CDH13: variants seen among roughly 807,000 people sequenced by gnomAD.
CDH13 encodes cadherin 13.
Under a neutral mutation model 63.8 loss-of-function variants are expected in CDH13, and 24 were observed. That is an observed-to-expected ratio of 0.38 (90% CI 0.27 to 0.53). The LOEUF is 0.53. Ranked by LOEUF, CDH13 falls within the 20% of genes least tolerant of loss-of-function variation. CDH13 has a pLI of 0.85. For synonymous variants in CDH13, 503 were observed against 355.3 expected (o/e 1.42, Z -4.67); for missense variants, 1,049 against 903.1 (o/e 1.16, Z -2.07).
chr16:83,779,820 T>C (rs1915394272), intron 11 of CDH13, 148 bp from the exon 12 acceptor site: 2 of 595,390 alleles, frequency 3.4e-6, no homozygotes, highest in Admixed American at 3.0e-5. Context: ...ATCGCACCAC[T>C]GCATTCCAGT....
intron 10 of CDH13, among the ~76,000 whole-genome samples, chr16:83,705,410 C>A (rs1906874116): frequency 1.3e-5 from 2 of 152,078 alleles, no homozygotes; most frequent in South Asian, 4.1e-4. Context: ...ATCACGAGGT[C>A]AGGAGATGGA....
At position 83,001,124 on chromosome 16, in the gene CDH13, G is replaced by C. The variant is rs567960433; in HGVS notation, c.158-30886G>C. On this transcript the variant is annotated intron_variant, in intron 2 of 13. Transcript: ENST00000567109. Reference sequence around the variant, plus strand: ...GTGAGAATGTTGTCAAGATCTTCTAGTAGATCGTAAGTCCCTTGAAGAAAA... The same window carrying C: ...GTGAGAATGTTGTCAAGATCTTCTACTAGATCGTAAGTCCCTTGAAGAAAA... Among the ~76,000 whole-genome samples, 12 of 152,320 alleles carry C rather than the reference G, an allele frequency of 7.9e-5. No homozygotes were observed. The South Asian group carries it at 2.5e-3, about 32-fold the overall frequency.
At chr16:83,063,870 C>T (rs907158069) in intron 3 of CDH13, among the ~76,000 whole-genome samples, 1 of 152,036 alleles carries the variant, frequency 6.6e-6, no homozygotes, top group African/African-American at 2.4e-5. Flanking sequence ...ACTTCAAAGG[C>T]AATTGTGTAA....
intron 1 of CDH13, among the ~76,000 whole-genome samples, chr16:82,763,618 A>T (rs1234238463): frequency 2.6e-5 from 4 of 152,258 alleles, no homozygotes; most frequent in Admixed American, 1.3e-4. Context: ...AACAGTGAAT[A>T]CATGAGTTGA....
At chr16:82,832,886 A>G (rs1567581129) in intron 1 of CDH13, among the ~76,000 whole-genome samples, 1 of 152,240 alleles carries the variant, frequency 6.6e-6, no homozygotes, top group Non-Finnish European at 1.5e-5. Flanking sequence ...TTCAGATGAC[A>G]GCTTCCATTA....
At chr16:82,664,066 A>T (rs1567603351) in intron 1 of CDH13, among the ~76,000 whole-genome samples, 1 of 152,316 alleles carries the variant, frequency 6.6e-6, no homozygotes, top group East Asian at 1.9e-4. Context: ...CGGAAATATT[A>T]CTTACTCGTC....
At chr16:83,635,028 C>T (rs1473234726) in intron 8 of CDH13, among the ~76,000 whole-genome samples, 3 of 152,140 alleles carry the variant, frequency 2.0e-5, no homozygotes, top group African/African-American at 7.2e-5. Flanking sequence ...CATTTTCATC[C>T]TTATCAGCAA....
chr16:83,375,416 T>G (rs1310338723), intron 6 of CDH13, among the ~76,000 whole-genome samples: 1 of 152,200 alleles, frequency 6.6e-6, no homozygotes, highest in African/African-American at 2.4e-5. Flanking sequence ...TGGAATCAAA[T>G]ATTTGTAGAT....
Position 82,752,859 on chromosome 16 carries a change from GGGATGTGCAGCC to G in CDH13, c.46-105501_46-105490del, listed in dbSNP as rs1323451513. On this transcript the variant is annotated intron_variant, in intron 1 of 13. Transcript: ENST00000567109. ...GTATCATAGAATGTGGCACTGGGGA[GGGATGTGCAGCC>G]GCACCCCATTATTGTACCCCATTAT... Among the ~76,000 whole-genome samples the G allele has an allele frequency of 3.3e-5, 5 of 152,340 alleles. No individual in the cohort carries two copies. In the East Asian group the frequency reaches 9.6e-4, roughly 29 times the overall value.
chr16:82,881,898 C>A (rs2040716286), intron 2 of CDH13, among the ~76,000 whole-genome samples: 1 of 152,238 alleles, frequency 6.6e-6, no homozygotes, highest in African/African-American at 2.4e-5. Flanking sequence ...CACCCTGGAC[C>A]CACCACCAGC....
At chr16:83,488,757 T>C (rs548510538) in intron 7 of CDH13, among the ~76,000 whole-genome samples, 2 of 152,294 alleles carry the variant, frequency 1.3e-5, no homozygotes, top group East Asian at 1.9e-4. Context: ...CCTGAGTAGC[T>C]GGGAATACAG....
intron 1 of CDH13, among the ~76,000 whole-genome samples, chr16:82,798,208 C>T (rs2036681759): frequency 6.6e-6 from 1 of 152,194 alleles, no homozygotes; most frequent in Non-Finnish European, 1.5e-5. Flanking sequence ...AAAATGACCG[C>T]TTGCAGTGGA....
chr16:82,927,043 T>C (rs974866791), intron 2 of CDH13, among the ~76,000 whole-genome samples: 3 of 151,920 alleles, frequency 2.0e-5, no homozygotes, highest in African/African-American at 7.3e-5. Context: ...TAGCTGGAGG[T>C]TGGGCTCCTT....
At chr16:83,622,339 T>G (rs1909890677) in intron 8 of CDH13, among the ~76,000 whole-genome samples, 2 of 151,194 alleles carry the variant, frequency 1.3e-5, no homozygotes, top group Admixed American at 6.6e-5. Flanking sequence ...TCCCCTGAGC[T>G]TCTACACACT....
At chr16:83,014,746 A>ATATATATATATATATATATATATATATG (rs1914531102) in intron 2 of CDH13, among the ~76,000 whole-genome samples, 1 of 32,876 alleles carries the variant, frequency 3.0e-5, no homozygotes, top group African/African-American at 1.1e-4. Context: ...AAAAAAAAAT[A>ATATATATATATATATATATATATATATG]TATATATATA....
At chr16:83,176,512 GAA>G (rs869250059) in intron 4 of CDH13, among the ~76,000 whole-genome samples, 13,776 of 71,290 alleles carry the variant, frequency 0.19, 680 homozygotes, top group African/African-American at 0.3. Flanking sequence ...TCCAGCTAGA[GAA>G]AAAAAAAAAA....
chr16:83,695,806 C>T (rs1383446578), intron 10 of CDH13, among the ~76,000 whole-genome samples: 1 of 152,082 alleles, frequency 6.6e-6, no homozygotes, highest in Non-Finnish European at 1.5e-5. Flanking sequence ...GTGTGATCAT[C>T]CCTGTTCTAT....
intron 2 of CDH13, among the ~76,000 whole-genome samples, chr16:83,017,533 C>G (rs571169309): frequency 6.6e-6 from 1 of 152,280 alleles, no homozygotes; most frequent in Admixed American, 6.5e-5. Context: ...AATGTTCTTA[C>G]TCTCTGAGCT....
intron 1 of CDH13, among the ~76,000 whole-genome samples, chr16:82,724,852 C>G (rs911777362): frequency 5.9e-5 from 9 of 152,184 alleles, no homozygotes; most frequent in African/African-American, 1.9e-4. Flanking sequence ...ATCGTACACC[C>G]TCAGTCTTCC....
Sources: allele counts gnomAD v4.1 joint callset (sites outside exome capture counted in the v4.1 genomes callset), GRCh38; gene constraint gnomAD v4.1.1; transcripts MANE v1.5; gene names NCBI Gene and HGNC (gene_info 2026-07-23, HGNC 2026-07-21).